The following SLC22A8 variants were observed in gnomAD, a reference collection of about 807,000 sequenced individuals.
The protein encoded by SLC22A8 is solute carrier family 22 member 8.
SLC22A8 carries 40 observed loss-of-function variants against 48.4 expected under a neutral mutation model. The observed-to-expected ratio is 0.83, with a 90% CI of 0.64 to 1.08. SLC22A8 has a LOEUF of 1.08. SLC22A8 is among the 50% of genes least tolerant of loss of function. The pLI, the probability that SLC22A8 is intolerant of heterozygous loss-of-function variation, is 0.00. For synonymous variants in SLC22A8, 268 were observed against 286.3 expected (o/e 0.94, Z 0.65); for missense variants, 606 against 699.0 (o/e 0.87, Z 1.50).
intron 5 of SLC22A8, 85 bp downstream of exon 5, chr11:62,998,836 A>G (rs1463600011): frequency 1.4e-5 from 18 of 1,249,894 alleles, no homozygotes; most frequent in Admixed American, 1.0e-4. Context: ...GGGGACACAG[A>G]GTTGGCCAGC....
intron 2 of SLC22A8, among the ~76,000 whole-genome samples, chr11:63,013,927 G>A (rs1324611497): frequency 6.6e-6 from 1 of 152,176 alleles, no homozygotes; most frequent in East Asian, 1.9e-4. Flanking sequence ...TTTCCCCGAG[G>A]TGGCAGGTGA....
rs763880600 is a variant in SLC22A8, at chr11:63,011,990, C to CTT, written c.333+2634_333+2635dup. 2.4e-3 allele frequency among the ~76,000 whole-genome samples: 342 copies of CTT among 141,404 alleles called. 3 individuals are homozygous for CTT. Among genetic ancestry groups the CTT allele is most frequent in the Non-Finnish European group, 3.3e-3 (213 of 64,454 alleles). 92.8% of individuals were successfully genotyped at this position (141,404 alleles called of 152,430 possible). On this transcript the variant is annotated intron_variant, in intron 2 of 10. Coordinates refer to ENST00000336232, the MANE Select transcript of SLC22A8 (RefSeq NM_004254.4). ...AATCTTGACTTTTTGCTCTCTTTTT[C>CTT]TTTTTTTTTTTTTTTGAGATGGGGT...
At chr11:63,000,908 G>A in intron 2 of SLC22A8, 85 bp from the exon 3 acceptor site, 1 of 1,031,508 alleles carries the variant, frequency 9.7e-7, no homozygotes, top group African/African-American at 1.6e-5. Context: ...ATACATGTGG[G>A]CTTCCTCTCC....
intron 3 of SLC22A8, among the ~76,000 whole-genome samples, 158 bp downstream of exon 3, chr11:63,000,562 G>A (rs1026314925): frequency 6.6e-6 from 1 of 151,798 alleles, no homozygotes; most frequent in Non-Finnish European, 1.5e-5. Context: ...AGAAGGCTGT[G>A]GTCCAGAAAG....
intron 2 of SLC22A8, among the ~76,000 whole-genome samples, chr11:63,007,058 A>G (rs745482948): frequency 1.2e-4 from 18 of 152,206 alleles, no homozygotes; most frequent in Non-Finnish European, 2.4e-4. Context: ...AAGAAAACCT[A>G]TAGCAGATGT....
intron 2 of SLC22A8, 130 bp downstream of exon 2, chr11:63,014,496 T>G: frequency 1.3e-6 from 1 of 788,856 alleles, no homozygotes; most frequent in Non-Finnish European, 2.0e-6. Flanking sequence ...AGGTCCTTCC[T>G]CTTTGCCTGC....
Position 63,014,727 on chromosome 11 carries a change from G to A in SLC22A8, c.232C>T (p.His78Tyr), listed in dbSNP as rs2086655124. 3 of 1,614,176 alleles carry A rather than the reference G, an allele frequency of 1.9e-6. No homozygotes were observed. Among genetic ancestry groups the A allele is most frequent in the East Asian group, 2.2e-5 (1 of 44,890 alleles). ...TTGGGCAGGCTGGCATTGGGCGGAT[G>A]TACAAAACGGAGGCACCTCTCAGGC... ...GKPERCLRFV[H>Y]PPNASLPNDT... The change falls in exon 2 of 11, where the codon CAT becomes TAT. Residue 78 changes from histidine to tyrosine, a missense_variant. His to Tyr is a moderately conservative substitution (Grantham distance 83). Coordinates refer to ENST00000336232, the MANE Select transcript of SLC22A8 (RefSeq NM_004254.4).
At chr11:63,011,930 A>T (rs1029360822) in intron 2 of SLC22A8, among the ~76,000 whole-genome samples, 2 of 150,308 alleles carry the variant, frequency 1.3e-5, no homozygotes, top group Middle Eastern at 3.3e-3. Context: ...TCCATATCCT[A>T]CTGCTCACTC....
chr11:63,011,685 T>G (rs1375704658), intron 2 of SLC22A8, among the ~76,000 whole-genome samples: 1 of 152,228 alleles, frequency 6.6e-6, no homozygotes, highest in Non-Finnish European at 1.5e-5. Flanking sequence ...CCTGGATCCC[T>G]GTGCAGCTTG....
At chr11:63,011,624 C>G (rs2086619922) in intron 2 of SLC22A8, among the ~76,000 whole-genome samples, 1 of 152,180 alleles carries the variant, frequency 6.6e-6, no homozygotes, top group Admixed American at 6.5e-5. Context: ...CTCCAACTTC[C>G]TGGCCTTCCT....
intron 5 of SLC22A8, among the ~76,000 whole-genome samples, chr11:62,998,658 C>T (rs1208259244): frequency 1.3e-5 from 2 of 152,208 alleles, no homozygotes; most frequent in Non-Finnish European, 2.9e-5. Context: ...TTTCTGTGCT[C>T]TCCCAGCCAG....
chr11:63,005,515 G>A (rs2086544279), intron 2 of SLC22A8, among the ~76,000 whole-genome samples: 2 of 152,216 alleles, frequency 1.3e-5, no homozygotes, highest in Non-Finnish European at 2.9e-5. Flanking sequence ...ACTCTTCGTG[G>A]ATCAGAATAC....
At chr11:62,994,437 G>T in intron 8 of SLC22A8, 105 bp downstream of exon 8, 1 of 824,270 alleles carries the variant, frequency 1.2e-6, no homozygotes, top group Non-Finnish European at 2.0e-6. Context: ...GCAGGGACCT[G>T]CTCAAGGTAA....
chr11:62,994,892 T>C, intron 7 of SLC22A8, 136 bp from the exon 8 acceptor site: 1 of 699,238 alleles, frequency 1.4e-6, no homozygotes, highest in Non-Finnish European at 2.6e-6. Flanking sequence ...GCTGCTTGAG[T>C]GTCCTTTTGA....
At position 62,993,128 on chromosome 11, in the gene SLC22A8, CAGA is replaced by C; in HGVS notation, c.*106_*108del. ...GATGGAGACACCTTCACCAAGCTCT[CAGA>C]AGGCTTCATCCTAGGAGGATGGACC... On this transcript the variant is annotated 3_prime_UTR_variant, in exon 11 of 11. Coordinates refer to ENST00000336232, the MANE Select transcript of SLC22A8 (RefSeq NM_004254.4). 3.9e-6 allele frequency: 3 copies of C among 773,606 alleles called. No homozygotes were observed. The South Asian group carries it at 5.5e-5, about 14-fold the overall frequency. The allele number at this position is 773,606 out of a possible 1,614,324, so 47.9% of individuals were successfully genotyped here.
chr11:63,012,804 G>T (rs944554908), intron 2 of SLC22A8, among the ~76,000 whole-genome samples: 1 of 152,190 alleles, frequency 6.6e-6, no homozygotes, highest in African/African-American at 2.4e-5. Context: ...GCTCCTGGAG[G>T]GAACGCAGGG....
intron 5 of SLC22A8, among the ~76,000 whole-genome samples, chr11:62,997,783 C>T (rs930740706): frequency 2.6e-5 from 4 of 152,194 alleles, no homozygotes; most frequent in Non-Finnish European, 4.4e-5. Context: ...TCCTCATCTG[C>T]AAAATGGGGA....
chr11:63,014,644 C>G lies in SLC22A8; in HGVS notation c.315G>C (p.Lys105Asn). ...GGCATACCTCTGTCACAATGGAGTC[C>G]TTGGTGCTGTTGTAGACCCAGCCAT... ...CLDGWVYNST[K>N]DSIVTEWDLV... The change falls in exon 2 of 11, where the codon AAG becomes AAC. Residue 105 changes from lysine to asparagine, a missense_variant. Physicochemically the swap from Lys to Asn is moderately conservative, Grantham distance 94 (BLOSUM62 0). Coordinates refer to ENST00000336232, the MANE Select transcript of SLC22A8 (RefSeq NM_004254.4). 1 of 1,598,118 alleles carries G rather than the reference C, an allele frequency of 6.3e-7. No homozygotes were observed. The highest frequency in any genetic ancestry group is 8.6e-7 in the Non-Finnish European group (1 of 1,168,088).
intron 2 of SLC22A8, among the ~76,000 whole-genome samples, chr11:63,013,126 G>A (rs1031137787): frequency 3.9e-5 from 6 of 152,128 alleles, no homozygotes; most frequent in Admixed American, 6.5e-5. Context: ...TGTTCAGGAA[G>A]GTTAAAAGTG....
Sources: gnomAD v4.1 joint callset for allele counts (sites outside exome capture counted in the v4.1 genomes callset) on GRCh38, gnomAD v4.1.1 for gene constraint, MANE v1.5 for transcripts, NCBI Gene and HGNC (gene_info 2026-07-23, HGNC 2026-07-21) for gene names.